The following CACNA2D3 variants were observed in gnomAD, a reference collection of about 807,000 sequenced individuals.
CACNA2D3 encodes voltage-dependent calcium channel subunit alpha-2/delta-3.
Under a neutral mutation model 160.6 loss-of-function variants are expected in CACNA2D3, and 60 were observed. The ratio of observed to expected loss-of-function variants is 0.37; its 90% confidence interval spans 0.30 to 0.46. The LOEUF is 0.46. CACNA2D3 is among the 20% of genes least tolerant of loss of function. CACNA2D3 has a pLI of 1.00. For missense variants in CACNA2D3, 1,205 were observed against 1,365.0 expected, an observed-to-expected ratio of 0.88 and a Z score of 1.85; for synonymous variants, 558 against 492.9, an observed-to-expected ratio of 1.13 and a Z score of -1.75.
At chr3:54,388,449 T>C (rs1398718247) in intron 4 of CACNA2D3, among the ~76,000 whole-genome samples, 2 of 152,146 alleles carry the variant, frequency 1.3e-5, no homozygotes, top group East Asian at 3.9e-4. Context: ...ATCAAGTCCA[T>C]CATCAGCAGT....
chr3:54,690,342 T>G (rs1700549006), intron 11 of CACNA2D3, among the ~76,000 whole-genome samples: 1 of 152,146 alleles, frequency 6.6e-6, no homozygotes, highest in African/African-American at 2.4e-5. Context: ...ACTTTATAAT[T>G]TACTTATTTA....
chr3:54,646,812 C>G (rs1699662346), intron 11 of CACNA2D3, among the ~76,000 whole-genome samples: 1 of 152,158 alleles, frequency 6.6e-6, no homozygotes, highest in African/African-American at 2.4e-5. Context: ...TTCTGCCTCT[C>G]TAGCTCCTTG....
At chr3:54,916,331 G>GT (rs1193302061) in intron 27 of CACNA2D3, among the ~76,000 whole-genome samples, 2 of 152,082 alleles carry the variant, frequency 1.3e-5, no homozygotes, top group Non-Finnish European at 2.9e-5. Context: ...GGAAAGAAAG[G>GT]TTTTTTCACT....
chr3:54,834,345 T>C (rs1456754399), intron 14 of CACNA2D3, among the ~76,000 whole-genome samples: 3 of 152,220 alleles, frequency 2.0e-5, no homozygotes, highest in East Asian at 3.8e-4. Flanking sequence ...GTTTTCTTTA[T>C]AGCATTAACG....
At chr3:54,570,805 G>A (rs1644446904) in intron 8 of CACNA2D3, among the ~76,000 whole-genome samples, 1 of 152,110 alleles carries the variant, frequency 6.6e-6, no homozygotes. Flanking sequence ...AGACCGGGCA[G>A]TCATGTAGCC....
At chr3:54,659,751 A>G (rs1232291779) in intron 11 of CACNA2D3, among the ~76,000 whole-genome samples, 2 of 152,206 alleles carry the variant, frequency 1.3e-5, no homozygotes, top group Non-Finnish European at 2.9e-5. Flanking sequence ...TAGTACGTAA[A>G]GCAGTGGTGA....
In CACNA2D3 at chr3:54,969,838, T is replaced by G; in HGVS notation, c.2550T>G (p.Asp850Glu). ...SLDGKCSISCDDETVNCYLID... is the reference protein window; with the variant it reads ...SLDGKCSISCEDETVNCYLID... ...ATGGCAAATGCTCCATCAGCTGTGA[T>G]GATGAGGTAAGACGGCCTCCTGGTC... The change falls in exon 29 of 38, where the codon GAT (aspartate) becomes GAG (glutamate). Residue 850 changes from aspartate to glutamate, a missense_variant. Around this residue, in one of 3 missense-constraint regions of CACNA2D3, gnomAD observed 911 missense variants for 1,002.2 expected, o/e 0.91. Coordinates refer to ENST00000474759, the MANE Select transcript of CACNA2D3 (RefSeq NM_018398.3). 9 of 1,613,464 alleles carry G rather than the reference T, an allele frequency of 5.6e-6. No homozygotes were observed. The highest frequency in any genetic ancestry group is 1.7e-5 in the Admixed American group (1 of 59,992).
chr3:54,207,832 C>T (rs1268241807), intron 2 of CACNA2D3, among the ~76,000 whole-genome samples: 1 of 152,032 alleles, frequency 6.6e-6, no homozygotes, highest in Non-Finnish European at 1.5e-5. Flanking sequence ...CAAGCATTTC[C>T]ACAAGATTAC....
intron 35 of CACNA2D3, among the ~76,000 whole-genome samples, chr3:55,042,008 G>C (rs2107192227): frequency 6.6e-6 from 1 of 152,214 alleles, no homozygotes; most frequent in East Asian, 1.9e-4. Context: ...GTTGTGGTTG[G>C]AAATCATATT....
At chr3:54,964,899 C>T (rs934287870) in intron 27 of CACNA2D3, among the ~76,000 whole-genome samples, 3 of 151,980 alleles carry the variant, frequency 2.0e-5, no homozygotes, top group African/African-American at 4.8e-5. Flanking sequence ...CCGTTACTCT[C>T]GATCCCTTAC....
In CACNA2D3 at chr3:54,617,581, T is replaced by C. The variant is rs528882064; in HGVS notation, c.964-10206T>C. Among the ~76,000 whole-genome samples the C allele has an allele frequency of 5.9e-5, 9 of 152,312 alleles. No homozygotes were observed. In the East Asian group the frequency reaches 1.7e-3, roughly 29 times the overall value. On this transcript the variant is annotated intron_variant, in intron 9 of 37. Transcript: ENST00000474759. ...GCTCTTGGGTAAAGTTGCCAGATTT[T>C]GCAAAACAAACAAACAGGGCACTCA...
chr3:54,950,460 C>T (rs1319769094), intron 27 of CACNA2D3, among the ~76,000 whole-genome samples: 2 of 152,208 alleles, frequency 1.3e-5, no homozygotes, highest in East Asian at 1.9e-4. Context: ...CTTCCCTCTT[C>T]ATCTTGCAAG....
At chr3:54,374,528 TA>T (rs1698976629) in intron 3 of CACNA2D3, among the ~76,000 whole-genome samples, 1 of 152,182 alleles carries the variant, frequency 6.6e-6, no homozygotes, top group Non-Finnish European at 1.5e-5. Context: ...ACTTCACTTT[TA>T]AAAACATTCT....
chr3:54,695,167 A>C (rs1300548852), intron 11 of CACNA2D3, among the ~76,000 whole-genome samples: 2 of 151,968 alleles, frequency 1.3e-5, no homozygotes, highest in African/African-American at 4.8e-5. Context: ...ACAGGTGCCC[A>C]CCACCATGCG....
chr3:54,363,302 C>G (rs998024731), intron 3 of CACNA2D3, among the ~76,000 whole-genome samples: 3 of 151,958 alleles, frequency 2.0e-5, no homozygotes, highest in Non-Finnish European at 2.9e-5. Context: ...CAAAACAAAA[C>G]AAAAAAACCA....
intron 8 of CACNA2D3, among the ~76,000 whole-genome samples, chr3:54,572,207 A>C (rs892603402): frequency 6.6e-6 from 1 of 152,226 alleles, no homozygotes; most frequent in African/African-American, 2.4e-5. Context: ...CTCTCAGAAC[A>C]AAAGTTTCTG....
intron 4 of CACNA2D3, among the ~76,000 whole-genome samples, chr3:54,465,822 G>A (rs1700613501): frequency 6.6e-6 from 1 of 152,144 alleles, no homozygotes. Context: ...AGTCTGGGTG[G>A]GCTTGGCTGA....
intron 17 of CACNA2D3, among the ~76,000 whole-genome samples, chr3:54,849,196 G>T (rs747208507): frequency 3.3e-5 from 5 of 152,180 alleles, no homozygotes; most frequent in Non-Finnish European, 7.3e-5. Flanking sequence ...GAGGTTCTAT[G>T]TGAGTCCTAC....
At chr3:54,822,778 CTTTCTTTCTTTCCTTTCTTT>C (rs1559595536) in intron 14 of CACNA2D3, among the ~76,000 whole-genome samples, 9 of 81,344 alleles carry the variant, frequency 1.1e-4, no homozygotes, top group East Asian at 4.1e-4. Context: ...TTCTTTCTTT[CTTTCTTTCTTTCCTTTCTTT>C]CTTTCTTTCT....
Sources: allele counts gnomAD v4.1 joint callset (sites outside exome capture counted in the v4.1 genomes callset), GRCh38; gene constraint gnomAD v4.1.1; regional missense constraint gnomAD v4.1.1; transcripts MANE v1.5; gene names NCBI Gene and HGNC (gene_info 2026-07-23, HGNC 2026-07-21).